The following GABRG3 variants were observed in gnomAD, a reference collection of about 807,000 sequenced individuals.
GABRG3 encodes gamma-aminobutyric acid receptor subunit gamma-3.
Under a neutral mutation model 48.8 loss-of-function variants are expected in GABRG3, and 25 were observed. The observed-to-expected ratio is 0.51, with a 90% confidence interval of 0.37 to 0.72. The LOEUF is 0.72. GABRG3 is among the 30% of genes least tolerant of loss of function. The pLI, the probability that GABRG3 is intolerant of heterozygous loss-of-function variation, is 0.00. For synonymous variants in GABRG3, 227 were observed against 217.6 expected (o/e 1.04, Z -0.38); for missense variants, 394 against 577.9 (o/e 0.68, Z 3.26).
At chr15:27,222,782 G>A (rs1433833841) in intron 3 of GABRG3, among the ~76,000 whole-genome samples, 1 of 152,170 alleles carries the variant, frequency 6.6e-6, no homozygotes, top group African/African-American at 2.4e-5. Flanking sequence ...GGCGACTGCA[G>A]TGTTCCCGGG....
intron 3 of GABRG3, among the ~76,000 whole-genome samples, chr15:27,044,260 A>T (rs1240447872): frequency 6.6e-6 from 1 of 152,186 alleles, no homozygotes; most frequent in Non-Finnish European, 1.5e-5. Context: ...GAAGCTGAAG[A>T]CCACACACTT....
At chr15:27,437,685 T>C (rs3922613) in intron 5 of GABRG3, among the ~76,000 whole-genome samples, 75,009 of 152,204 alleles carry the variant, frequency 0.49, 22,264 homozygotes, top group African/African-American at 0.84. Context: ...TCTGGGCCTA[T>C]GTAGGTGTTT....
chr15:27,056,305 A>T (rs1896544058), intron 3 of GABRG3, among the ~76,000 whole-genome samples: 1 of 138,914 alleles, frequency 7.2e-6, no homozygotes, highest in Non-Finnish European at 1.5e-5. Flanking sequence ...GTGAGCTGTG[A>T]TTGTGCCACT....
At chr15:27,309,232 ATATAT>A (rs1892910200) in intron 3 of GABRG3, among the ~76,000 whole-genome samples, 3 of 151,486 alleles carry the variant, frequency 2.0e-5, no homozygotes, top group Non-Finnish European at 4.4e-5. Flanking sequence ...TAATGTAAAC[ATATAT>A]TTATATATAA....
At chr15:27,466,362 T>C (rs995797015) in intron 5 of GABRG3, among the ~76,000 whole-genome samples, 2 of 152,166 alleles carry the variant, frequency 1.3e-5, no homozygotes, top group Admixed American at 6.5e-5. Context: ...GTGTGACATA[T>C]GCATGGGGAA....
At chr15:27,250,605 C>G (rs896324895) in intron 3 of GABRG3, among the ~76,000 whole-genome samples, 1 of 152,000 alleles carries the variant, frequency 6.6e-6, no homozygotes. Flanking sequence ...TTTTGTATTT[C>G]TAGTAGAGAC....
chr15:27,153,083 G>C (rs208160), intron 3 of GABRG3, among the ~76,000 whole-genome samples: 4 of 151,910 alleles, frequency 2.6e-5, no homozygotes, highest in African/African-American at 4.8e-5. Context: ...GGATGGTCTC[G>C]ATCTCCTGAC....
At chr15:27,342,826 G>A (rs975590889) in intron 5 of GABRG3, among the ~76,000 whole-genome samples, 22 of 152,144 alleles carry the variant, frequency 1.4e-4, no homozygotes, top group Non-Finnish European at 2.6e-4. Context: ...GCTCCTGGAC[G>A]CAGAGCGTTG....
At chr15:27,394,032 A>G (rs1399315298) in intron 5 of GABRG3, among the ~76,000 whole-genome samples, 1 of 152,228 alleles carries the variant, frequency 6.6e-6, no homozygotes, top group East Asian at 1.9e-4. Flanking sequence ...TCTTGTTTTA[A>G]TCTATTCTGC....
chr15:27,311,181 T>A (rs184224051), intron 3 of GABRG3, among the ~76,000 whole-genome samples: 65 of 152,220 alleles, frequency 4.3e-4, no homozygotes, highest in African/African-American at 1.5e-3. Flanking sequence ...ATGGACAAAT[T>A]TCCTGTGAAG....
intron 3 of GABRG3, among the ~76,000 whole-genome samples, chr15:27,215,973 G>A (rs1269096319): frequency 2.6e-5 from 4 of 152,242 alleles, no homozygotes; most frequent in African/African-American, 9.6e-5. Context: ...CAGAAGAGGT[G>A]AAGGGTGGCT....
chr15:26,976,836 T>A lies in GABRG3; in HGVS notation c.54-166T>A, dbSNP rs1289824628. 6.6e-6 allele frequency among the ~76,000 whole-genome samples: 1 copy of A among 152,206 alleles called. No individual in the cohort carries two copies. The highest frequency in any genetic ancestry group is 2.4e-5 in the African/African-American group (1 of 41,450). Reference sequence around the variant, plus strand: ...TTCCTATGGAATCATTCGTATTTTGTGTTTCTTTCTTTTTAGAAAATATTT... The same window carrying A: ...TTCCTATGGAATCATTCGTATTTTGAGTTTCTTTCTTTTTAGAAAATATTT... On this transcript the variant is annotated intron_variant, in intron 1 of 9. Coordinates refer to ENST00000615808, the MANE Select transcript of GABRG3 (RefSeq NM_033223.5). The surrounding 1 kb of genome is among the most constrained non-coding windows in gnomAD (Gnocchi z 7.8).
intron 3 of GABRG3, among the ~76,000 whole-genome samples, chr15:27,152,752 A>G (rs1188339796): frequency 1.3e-5 from 2 of 152,164 alleles, no homozygotes; most frequent in African/African-American, 4.8e-5. Flanking sequence ...TATTTCAGAT[A>G]TGATTTCCTT....
At chr15:27,340,749 A>G (rs1332397268) in intron 5 of GABRG3, 3 of 165,468 alleles carry the variant, frequency 1.8e-5, no homozygotes, top group Non-Finnish European at 4.0e-5. Context: ...GACATTTTCT[A>G]TTTTTCATGC....
intron 2 of GABRG3, among the ~76,000 whole-genome samples, chr15:26,977,533 T>C (rs56402671): frequency 0.012 from 1,838 of 152,366 alleles, 42 homozygotes; most frequent in African/African-American, 0.042. Context: ...TTTATTTTTA[T>C]TTATTTTTTT....
At chr15:27,247,438 G>A (rs932380817) in intron 3 of GABRG3, among the ~76,000 whole-genome samples, 1 of 152,046 alleles carries the variant, frequency 6.6e-6, no homozygotes, top group Non-Finnish European at 1.5e-5. Flanking sequence ...ACCTGGTGTG[G>A]CTGCAGCCAC....
chr15:27,525,957 TAAATA>T (rs3058116), intron 7 of GABRG3, among the ~76,000 whole-genome samples: 1 of 151,364 alleles, frequency 6.6e-6, no homozygotes. Context: ...CTTAAAAAAG[TAAATA>T]AAATAATTTT....
chr15:27,466,765 G>A (rs982616445), intron 5 of GABRG3, among the ~76,000 whole-genome samples: 1 of 152,164 alleles, frequency 6.6e-6, no homozygotes, highest in African/African-American at 2.4e-5. Context: ...GGACCCCAAG[G>A]GTAAGCATGG....
At position 27,401,670 on chromosome 15, in the gene GABRG3, G is replaced by A. The variant is rs563193033; in HGVS notation, c.574+72782G>A. ...CGTCTTGACCTTCTTCCATGCTCTCGCGACCATAGTTAGATTGTCCAGCTG... is the reference window on the plus strand; with the variant it reads ...CGTCTTGACCTTCTTCCATGCTCTCACGACCATAGTTAGATTGTCCAGCTG... On this transcript the variant is annotated intron_variant, in intron 5 of 9. Coordinates refer to ENST00000615808, the MANE Select transcript of GABRG3 (RefSeq NM_033223.5). Among the ~76,000 whole-genome samples, 6 of 152,078 alleles carry A rather than the reference G, an allele frequency of 3.9e-5. No individual in the cohort carries two copies. The South Asian group carries it at 1.0e-3, about 26-fold the overall frequency.
Sources: gnomAD v4.1 joint callset for allele counts (sites outside exome capture counted in the v4.1 genomes callset) on GRCh38, gnomAD v4.1.1 for gene constraint, Gnocchi (gnomAD v3.1) non-coding constraint, MANE v1.5 for transcripts, NCBI Gene and HGNC (gene_info 2026-07-23, HGNC 2026-07-21) for gene names.